The following KCNK9 variants were observed in gnomAD, a reference collection of about 807,000 sequenced individuals.
KCNK9 encodes potassium channel subfamily K member 9.
A neutral mutation model predicts 10.8 loss-of-function variants in KCNK9; 1 was observed. The observed-to-expected ratio is 0.09, with a 90% confidence interval of 0.03 to 0.44. KCNK9 has a LOEUF of 0.44. Ranked by LOEUF, KCNK9 falls within the 20% of genes least tolerant of loss-of-function variation. The probability of loss-of-function intolerance (pLI) is 0.97; values close to 1 mark genes in which losing one functional copy is unlikely to be tolerated. For synonymous variants in KCNK9, 231 were observed against 222.7 expected (o/e 1.04, Z -0.33); for missense variants, 303 against 515.0 (o/e 0.59, Z 3.98).
chr8:139,636,633 A>T (rs1302656177), intron 1 of KCNK9, among the ~76,000 whole-genome samples: 1 of 152,218 alleles, frequency 6.6e-6, no homozygotes, highest in Non-Finnish European at 1.5e-5. Context: ...CAGGAACTCA[A>T]CTCTTCCAGA....
chr8:139,697,069 G>A (rs1817077400), intron 1 of KCNK9, among the ~76,000 whole-genome samples: 1 of 151,748 alleles, frequency 6.6e-6, no homozygotes, highest in South Asian at 2.1e-4. Flanking sequence ...ATGGATTGAT[G>A]GACGGGTGGA....
chr8:139,633,453 C>G (rs1452207047), intron 1 of KCNK9, among the ~76,000 whole-genome samples: 2 of 152,146 alleles, frequency 1.3e-5, no homozygotes, highest in African/African-American at 4.8e-5. Context: ...TGATTTCAGC[C>G]AAGTCCCTTG....
chr8:139,615,451 T>G (rs1413652033), downstream of KCNK9, among the ~76,000 whole-genome samples: 25 of 152,158 alleles, frequency 1.6e-4, no homozygotes, highest in Admixed American at 1.6e-3. Flanking sequence ...CTCCCCACTC[T>G]GAGACCATTT....
chr8:139,607,358 C>G (rs1447680400), intron 2 of KCNK9, among the ~76,000 whole-genome samples: 1 of 152,212 alleles, frequency 6.6e-6, no homozygotes, highest in Non-Finnish European at 1.5e-5. Context: ...CCAGTAAGGA[C>G]AGCAGGCAGC....
intron 1 of KCNK9, among the ~76,000 whole-genome samples, chr8:139,621,809 C>A (rs1814790357): frequency 6.6e-6 from 1 of 152,150 alleles, no homozygotes; most frequent in African/African-American, 2.4e-5. Context: ...CCATATAGCT[C>A]ACCTGTAGAG....
Position 139,618,502 on chromosome 8 carries a change from T to G in KCNK9, c.881A>C (p.Gln294Pro), listed in dbSNP as rs1814670213. 1 of 1,613,618 alleles carries G rather than the reference T, an allele frequency of 6.2e-7. No individual in the cohort carries two copies. Among genetic ancestry groups the G allele is most frequent in the Non-Finnish European group, 8.5e-7 (1 of 1,180,010 alleles). Residue 294 changes from glutamine (Q) to proline (P), a missense_variant, in exon 2 of 2, where the codon CAG (glutamine) becomes CCG (proline). Around this residue, in one of 5 missense-constraint regions of KCNK9, gnomAD observed 138 missense variants for 161.1 expected, o/e 0.86. Coordinates refer to ENST00000520439, the MANE Select transcript of KCNK9 (RefSeq NM_001282534.2). This position sits in a 1 kb window ranked among gnomAD's most constrained non-coding sequence, Gnocchi z 7.9. ...PRYKADVPDLQSVCSCTCYRS... is the reference protein window; with the variant it reads ...PRYKADVPDLPSVCSCTCYRS... Reference sequence around the variant, plus strand: ...GTAGCAGGTGCAGGAGCACACAGACTGCAGGTCCGGGACGTCCGCCTTGTA... The same window carrying G: ...GTAGCAGGTGCAGGAGCACACAGACGGCAGGTCCGGGACGTCCGCCTTGTA...
At chr8:139,664,709 C>T (rs918961362) in intron 1 of KCNK9, among the ~76,000 whole-genome samples, 3 of 152,168 alleles carry the variant, frequency 2.0e-5, no homozygotes, top group African/African-American at 7.2e-5. Flanking sequence ...AGCCGTAAGG[C>T]GTGTGACCAC....
intron 1 of KCNK9, among the ~76,000 whole-genome samples, chr8:139,629,541 G>C (rs938718337): frequency 5.3e-5 from 8 of 152,132 alleles, no homozygotes; most frequent in East Asian, 1.9e-4. Flanking sequence ...CAGTCCTGAC[G>C]GGCATTACAG....
At chr8:139,611,786 T>C (rs181557227), downstream of KCNK9, 15 of 152,366 alleles carry the variant, frequency 9.8e-5, no homozygotes, top group African/African-American at 3.4e-4. Context: ...TTTCTTCTCA[T>C]AGATCTGGAT....
chr8:139,620,589 A>T (rs1261402091), intron 1 of KCNK9, among the ~76,000 whole-genome samples: 1 of 151,846 alleles, frequency 6.6e-6, no homozygotes, highest in African/African-American at 2.4e-5. Context: ...CCTGTGGCTC[A>T]GTCTGTCTGT....
Position 139,622,058 on chromosome 8 carries a change from T to C in KCNK9, c.284-2959A>G, listed in dbSNP as rs1406976480. Among the ~76,000 whole-genome samples, 8 of 152,218 alleles carry C rather than the reference T, an allele frequency of 5.3e-5. No individual in the cohort carries two copies. The East Asian group carries it at 1.5e-3, about 29-fold the overall frequency. On this transcript the variant is annotated intron_variant, in intron 1 of 1. Coordinates refer to ENST00000520439, the MANE Select transcript of KCNK9 (RefSeq NM_001282534.2). ...GACAGCAGTACACTGGTATGTCCTG[T>C]CTCAGGCTTATGTCAATTCTCCTGC... is the stretch of plus-strand genomic sequence containing the variant.
At chr8:139,660,449 A>AAAAAT (rs56898839) in intron 1 of KCNK9, among the ~76,000 whole-genome samples, 1 of 131,192 alleles carries the variant, frequency 7.6e-6, no homozygotes, top group African/African-American at 3.1e-5. Context: ...GCTAAAAAAA[A>AAAAAT]ATATATATAT....
chr8:139,627,041 G>A (rs149291803), intron 1 of KCNK9, among the ~76,000 whole-genome samples: 6 of 152,300 alleles, frequency 3.9e-5, no homozygotes, highest in East Asian at 1.9e-4. Flanking sequence ...CATGGGTCGC[G>A]CGTAGGGTGG....
intron 1 of KCNK9, among the ~76,000 whole-genome samples, chr8:139,660,916 CCT>C (rs1457604941): frequency 6.6e-6 from 1 of 152,188 alleles, no homozygotes; most frequent in Non-Finnish European, 1.5e-5. Flanking sequence ...CCTTATTTCC[CCT>C]GTCCTCTGGC....
intron 1 of KCNK9, among the ~76,000 whole-genome samples, chr8:139,669,809 C>T (rs1816385515): frequency 6.6e-6 from 1 of 152,236 alleles, no homozygotes; most frequent in African/African-American, 2.4e-5. Context: ...AGATCCATCA[C>T]AGAAATCTGT....
downstream of KCNK9, among the ~76,000 whole-genome samples, chr8:139,614,826 T>C (rs1194670555): frequency 2.0e-5 from 3 of 152,204 alleles, no homozygotes; most frequent in Non-Finnish European, 4.4e-5. Flanking sequence ...TCTTCATCTA[T>C]CCACTCCAAA....
chr8:139,655,024 G>C (rs1815981292), intron 1 of KCNK9, among the ~76,000 whole-genome samples: 1 of 152,200 alleles, frequency 6.6e-6, no homozygotes, highest in Non-Finnish European at 1.5e-5. Context: ...GAGATGGATG[G>C]CGGGGGGCGG....
chr8:139,645,615 C>A (rs1442229060), intron 1 of KCNK9, among the ~76,000 whole-genome samples: 1 of 152,180 alleles, frequency 6.6e-6, no homozygotes, highest in Non-Finnish European at 1.5e-5. Context: ...AGGTGACAGT[C>A]CCCTCCCTCC....
At position 139,702,912 on chromosome 8, in the gene KCNK9, G is replaced by A. The variant is rs1459548900; in HGVS notation, c.81C>T (p.Asp27=). ...TYLLVGAAVF[D]ALESDHEMRE... ...GCATCTCGTGGTCCGACTCGAGGGC[G>A]TCGAACACGGCGGCGCCCACCAGCA... The change falls in exon 1 of 2, where the codon GAC becomes GAT. Residue 27 remains aspartate, a synonymous_variant. Transcript: ENST00000520439. The surrounding 1 kb of genome is among the most constrained non-coding windows in gnomAD (Gnocchi z 7.5). The A allele has an allele frequency of 1.2e-6, 2 of 1,613,536 alleles. No individual in the cohort carries two copies. The highest frequency in any genetic ancestry group is 1.1e-5 in the South Asian group (1 of 91,026).
Sources: gnomAD v4.1 joint callset for allele counts (sites outside exome capture counted in the v4.1 genomes callset) on GRCh38, gnomAD v4.1.1 for gene constraint, gnomAD v4.1.1 regional missense constraint, Gnocchi (gnomAD v3.1) non-coding constraint, MANE v1.5 for transcripts, NCBI Gene and HGNC (gene_info 2026-07-23, HGNC 2026-07-21) for gene names.